DNAH2: variants seen among roughly 807,000 people sequenced by gnomAD.
DNAH2 encodes the protein dynein axonemal heavy chain 2, also known as axonemal beta dynein heavy chain 2.
Under a neutral mutation model 523.5 loss-of-function variants are expected in DNAH2, and 323 were observed. The observed-to-expected ratio is 0.62, with a 90% confidence interval of 0.56 to 0.68. DNAH2 has a LOEUF of 0.68. Among genes scored for constraint, DNAH2 ranks in the 30% least tolerant of loss-of-function variants. The pLI, the probability that DNAH2 is intolerant of heterozygous loss-of-function variation, is 0.00. For synonymous variants in DNAH2, 2,093 were observed against 2,177.4 expected (o/e 0.96, Z 1.08); for missense variants, 4,907 against 5,701.5 (o/e 0.86, Z 4.49).
At position 7,804,472 on chromosome 17, in the gene DNAH2, G is replaced by A; in HGVS notation, c.9183+6G>A. 1 of 1,612,512 alleles carries A rather than the reference G, an allele frequency of 6.2e-7. No individual in the cohort carries two copies. Among genetic ancestry groups the A allele is most frequent in the Non-Finnish European group, 8.5e-7 (1 of 1,179,888 alleles). On this transcript the variant is annotated splice_donor_region_variant and intron_variant, in intron 59 of 85. Transcript: ENST00000572933. ...AGGCAGATGAGCAGCAGAAGGTCCA[G>A]GGCCCACGCCCACCCCCCGTGCCCC...
chr17:7,823,299 A>AT (rs1370606911), intron 73 of DNAH2, 143 bp from the exon 74 acceptor site: 6 of 845,858 alleles, frequency 7.1e-6, no homozygotes, highest in Admixed American at 2.7e-5. Context: ...CATCTCAAAA[A>AT]AAAAAAAAAA....
chr17:7,827,330 C>T (rs1038831577), intron 77 of DNAH2, among the ~76,000 whole-genome samples: 3 of 151,996 alleles, frequency 2.0e-5, no homozygotes, highest in African/African-American at 4.8e-5. Flanking sequence ...TGTAAAAGTA[C>T]TCTCCTATAC....
In DNAH2 at chr17:7,804,410, G is replaced by A. The variant is rs760081171; in HGVS notation, c.9127G>A (p.Glu3043Lys). Residue 3043 changes from glutamate (E) to lysine (K), a missense_variant, in exon 59 of 86, where the codon GAG becomes AAG. By Grantham distance (56) the Glu-to-Lys change is moderately conservative (BLOSUM62 1). Around this residue, in one of 3 missense-constraint regions of DNAH2, gnomAD observed 1,851 missense variants for 2,139.4 expected, o/e 0.87. Coordinates refer to ENST00000572933, the MANE Select transcript of DNAH2 (RefSeq NM_020877.5). The part of the protein sequence containing the change: ...KKVAEFQKQC[E>K]EYLVIIVQQK... ...GGTGGCTGAGTTCCAGAAGCAGTGTGAGGAGTACCTGGTCATCATTGTGCA... is the reference window on the plus strand; with the variant it reads ...GGTGGCTGAGTTCCAGAAGCAGTGTAAGGAGTACCTGGTCATCATTGTGCA... 1 of 1,614,168 alleles carries A rather than the reference G, an allele frequency of 6.2e-7. No individual in the cohort carries two copies. The highest frequency in any genetic ancestry group is 1.1e-5 in the South Asian group (1 of 91,074).
At position 7,830,443 on chromosome 17, in the gene DNAH2, G is replaced by A; in HGVS notation, c.11997G>A (p.Leu3999=). Reference sequence around the variant, plus strand: ...TGTTACTTGAACGCAAAAAGTTCCTGCAGCTTGGCTGGAACATCATCTATG... The same window carrying A: ...TGTTACTTGAACGCAAAAAGTTCCTACAGCTTGGCTGGAACATCATCTATG... ...HSVLLERKKF[L]QLGWNIIYGF... The change falls in exon 78 of 86, where the codon CTG becomes CTA. Residue 3999 remains leucine, a synonymous_variant. Coordinates refer to ENST00000572933, the MANE Select transcript of DNAH2 (RefSeq NM_020877.5). 1 of 1,614,208 alleles carries A rather than the reference G, an allele frequency of 6.2e-7. No homozygotes were observed. The highest frequency in any genetic ancestry group is 8.5e-7 in the Non-Finnish European group (1 of 1,180,040).
chr17:7,781,063 G>A lies in DNAH2; in HGVS notation c.6025G>A (p.Asp2009Asn), dbSNP rs773865335. The A allele has an allele frequency of 6.8e-6, 11 of 1,614,078 alleles. No homozygotes were observed. The African/African-American group carries it at 1.1e-4, about 16-fold the overall frequency. The change falls in exon 39 of 86, where the codon GAT (aspartate) becomes AAT (asparagine). Residue 2009 changes from aspartate to asparagine, a missense_variant. Asp to Asn is a conservative substitution (Grantham distance 23). Coordinates refer to ENST00000572933, the MANE Select transcript of DNAH2 (RefSeq NM_020877.5). The part of the protein sequence containing the change: ...DEEVLLLSMR[D>N]MNIAKLTSVD... The stretch of plus-strand genomic sequence containing the variant: ...TCAGGTTCTGCTGCTCTCAATGAGA[G>A]ATATGAACATCGCCAAGCTCACTTC...
At chr17:7,734,442 G>A (rs192629623) in intron 6 of DNAH2, 28 bp from the exon 7 acceptor site, 1,132 of 1,609,760 alleles carry the variant, frequency 7.0e-4, no homozygotes, top group Middle Eastern at 4.6e-3. Flanking sequence ...GTGAAGAAAC[G>A]AAGGAGATTT....
intron 79 of DNAH2, 108 bp downstream of exon 79, chr17:7,830,950 GA>G (rs2078157359): frequency 6.5e-7 from 1 of 1,534,652 alleles, no homozygotes; most frequent in Admixed American, 1.7e-5. Context: ...ATTGGAAGAA[GA>G]CAGAGTTTGT....
rs761272564 is a variant in DNAH2, at chr17:7,830,379, A to T, written c.11933A>T (p.Tyr3978Phe). The T allele has an allele frequency of 3.1e-6, 5 of 1,614,134 alleles. No individual in the cohort carries two copies. The South Asian group carries it at 5.5e-5, about 18-fold the overall frequency. Residue 3978 changes from tyrosine to phenylalanine, a missense_variant, in exon 78 of 86, where the codon TAT (tyrosine) becomes TTT (phenylalanine). By Grantham distance (22) the Tyr-to-Phe change is conservative (BLOSUM62 3). This residue lies in a region of DNAH2 where 1,851 missense variants were observed against 2,139.4 expected (regional missense o/e 0.87). Transcript: ENST00000572933. ...TCCCGCTGCTCCAAACCTGCCAAAT[A>T]TAAGAAGCTGCTGTTTTCACTCTGT... Reference protein sequence around the residue: ...QFSRCSKPAKYKKLLFSLCFF... With the variant: ...QFSRCSKPAKFKKLLFSLCFF...
intron 42 of DNAH2, 192 bp downstream of exon 42, chr17:7,787,225 AATG>A (rs1475609154): frequency 4.1e-6 from 3 of 735,498 alleles, no homozygotes; most frequent in Admixed American, 2.9e-5. Context: ...TGTTGAGAAC[AATG>A]ATAAGAAAAA....
At position 7,805,091 on chromosome 17, in the gene DNAH2, C is replaced by T. The variant is rs748608985; in HGVS notation, c.9300+17C>T. 4 of 1,609,772 alleles carry T rather than the reference C, an allele frequency of 2.5e-6. No individual in the cohort carries two copies. The East Asian group carries it at 8.9e-5, about 36-fold the overall frequency. On this transcript the variant is annotated intron_variant, in intron 60 of 85. Transcript: ENST00000572933. ...GCCATGCGGGTACCAGGGGCGGGTG[C>T]AAGGATGGGAGCCAGGAACGCGAGG...
At position 7,831,066 on chromosome 17, in the gene DNAH2, A is replaced by G. The variant is rs745338263; in HGVS notation, c.12231-20A>G. 187 of 1,608,236 alleles carry G rather than the reference A, an allele frequency of 1.2e-4. No homozygotes were observed. Among genetic ancestry groups the G allele is most frequent in the Non-Finnish European group, 1.5e-4 (176 of 1,178,052 alleles). The stretch of plus-strand genomic sequence containing the variant: ...GCTGAGTCCCCACAATGTGGCAGTA[A>G]TTATGCTATGACTCCCTAGGTTGTC... On this transcript the variant is annotated intron_variant, in intron 79 of 85. Coordinates refer to ENST00000572933, the MANE Select transcript of DNAH2 (RefSeq NM_020877.5). The surrounding 1 kb of genome is among the most constrained non-coding windows in gnomAD (Gnocchi z 4.2).
intron 63 of DNAH2, among the ~76,000 whole-genome samples, chr17:7,812,315 C>A (rs1011727122): frequency 7.2e-5 from 11 of 152,052 alleles, no homozygotes; most frequent in Non-Finnish European, 1.5e-4. Context: ...TCATTATAAC[C>A]ATTTTGAAGT....
chr17:7,829,831 C>A (rs751454655), intron 77 of DNAH2, among the ~76,000 whole-genome samples: 1 of 151,666 alleles, frequency 6.6e-6, no homozygotes, highest in Non-Finnish European at 1.5e-5. Flanking sequence ...TTGAGACCAG[C>A]CTGGCCAACA....
In DNAH2 at chr17:7,780,601, CT is replaced by C; in HGVS notation, c.5851-28del. On this transcript the variant is annotated intron_variant, in intron 37 of 85. Coordinates refer to ENST00000572933, the MANE Select transcript of DNAH2 (RefSeq NM_020877.5). This position sits in a 1 kb window ranked among gnomAD's most constrained non-coding sequence, Gnocchi z 4.4. ...GCAGAGGGATTTGTGGGGAGATGGACTGTTTCCTCCTCTGTTTTGGTTCCCC... is the reference window on the plus strand; with the variant it reads ...GCAGAGGGATTTGTGGGGAGATGGACGTTTCCTCCTCTGTTTTGGTTCCCC... The C allele has an allele frequency of 6.2e-7, 1 of 1,611,470 alleles. No individual in the cohort carries two copies. The highest frequency in any genetic ancestry group is 2.2e-5 in the East Asian group (1 of 44,852).
chr17:7,782,497 T>C (rs2076627898), intron 39 of DNAH2, among the ~76,000 whole-genome samples: 1 of 152,182 alleles, frequency 6.6e-6, no homozygotes, highest in African/African-American at 2.4e-5. Context: ...AAATTATTTC[T>C]GGAGGAATGA....
At chr17:7,815,352 C>T (rs577078445) in intron 63 of DNAH2, among the ~76,000 whole-genome samples, 1 of 152,362 alleles carries the variant, frequency 6.6e-6, no homozygotes, top group East Asian at 1.9e-4. Flanking sequence ...GGCTGCCTTT[C>T]CCAGTGAGGT....
intron 13 of DNAH2, among the ~76,000 whole-genome samples, chr17:7,757,646 C>T (rs2075882256): frequency 1.3e-5 from 2 of 152,178 alleles, no homozygotes; most frequent in Admixed American, 6.6e-5. Context: ...TGGAGTGAGG[C>T]TTTGTTCTGG....
chr17:7,734,369 G>A, intron 6 of DNAH2, 76 bp downstream of exon 6: 1 of 1,600,806 alleles, frequency 6.2e-7, no homozygotes, highest in Non-Finnish European at 8.6e-7. Flanking sequence ...TGCTGACAAT[G>A]GAGTTGGGTT....
In DNAH2 at chr17:7,828,109, G is replaced by A. The variant is rs2078071354; in HGVS notation, c.11854-2191G>A. 6.6e-6 allele frequency among the ~76,000 whole-genome samples: 1 copy of A among 151,920 alleles called. No homozygotes were observed. The highest frequency in any genetic ancestry group is 2.4e-5 in the African/African-American group (1 of 41,266). ...ATTTTTGTGTTTTTTTGTAGAGACT[G>A]GATTTCACCATGTTGGCCAGGCTGG... On this transcript the variant is annotated intron_variant, in intron 77 of 85. Transcript: ENST00000572933. The surrounding 1 kb of genome is among the most constrained non-coding windows in gnomAD (Gnocchi z 4.1).
Sources: gnomAD v4.1 joint callset for allele counts (sites outside exome capture counted in the v4.1 genomes callset) on GRCh38, gnomAD v4.1.1 for gene constraint, gnomAD v4.1.1 regional missense constraint, Gnocchi (gnomAD v3.1) non-coding constraint, MANE v1.5 for transcripts, NCBI Gene and HGNC (gene_info 2026-07-23, HGNC 2026-07-21) for gene names.